The following FMN1 variants were observed in gnomAD, a reference collection of about 807,000 sequenced individuals.
FMN1 encodes formin-1.
Under a neutral mutation model 132.4 loss-of-function variants are expected in FMN1, and 110 were observed. The ratio of observed to expected loss-of-function variants is 0.83; its 90% CI spans 0.71 to 0.97. The LOEUF (loss-of-function observed/expected upper bound fraction) is 0.97, where lower values mean the gene tolerates loss of function less well. Among genes scored for constraint, FMN1 ranks in the 50% least tolerant of loss-of-function variants. FMN1 has a pLI of 0.00. For missense variants in FMN1, 1,792 were observed against 1,705.3 expected (o/e 1.05, Z -0.90); for synonymous variants, 722 against 651.7 (o/e 1.11, Z -1.64).
Position 32,999,899 on chromosome 15 carries a change from C to A in FMN1, c.2223+8115G>T, listed in dbSNP as rs574446794. Among the ~76,000 whole-genome samples, 5 of 152,272 alleles carry A rather than the reference C, an allele frequency of 3.3e-5. No individual in the cohort carries two copies. The East Asian group carries it at 9.6e-4, about 29-fold the overall frequency. On this transcript the variant is annotated intron_variant, in intron 7 of 20. Transcript: ENST00000616417. ...CTTTCAAAATTGAAGAAGTAGAGAT[C>A]CAAAGAAGTCCTACTAATCCCATGC...
intron 19 of FMN1, among the ~76,000 whole-genome samples, chr15:32,788,796 C>T (rs1595912549): frequency 6.6e-6 from 1 of 152,298 alleles, no homozygotes; most frequent in African/African-American, 2.4e-5. Flanking sequence ...CTTGGCATAG[C>T]CATGAATCCA....
At chr15:33,178,966 A>G (rs1246815959) in intron 3 of FMN1, among the ~76,000 whole-genome samples, 1 of 152,218 alleles carries the variant, frequency 6.6e-6, no homozygotes, top group Non-Finnish European at 1.5e-5. Flanking sequence ...GTGGATTAAA[A>G]TGTAATTATC....
chr15:33,184,016 A>G lies in FMN1; in HGVS notation c.-196-3754T>C, dbSNP rs922217365. Among the ~76,000 whole-genome samples, 3 of 152,220 alleles carry G rather than the reference A, an allele frequency of 2.0e-5. No individual in the cohort carries two copies. In the East Asian group the frequency reaches 5.8e-4, roughly 29 times the overall value. On this transcript the variant is annotated intron_variant, in intron 2 of 20. Transcript: ENST00000616417. ...GTATCTCAAGGATATATCTTGAAATAAGGTAAACTTATTGGTTTCACCATT... is the reference window on the plus strand; with the variant it reads ...GTATCTCAAGGATATATCTTGAAATGAGGTAAACTTATTGGTTTCACCATT...
At chr15:32,824,119 C>G (rs1479930453) in intron 17 of FMN1, among the ~76,000 whole-genome samples, 1 of 152,218 alleles carries the variant, frequency 6.6e-6, no homozygotes, top group African/African-American at 2.4e-5. Context: ...TGTAATGTAC[C>G]CCCCGTGAGA....
intron 3 of FMN1, among the ~76,000 whole-genome samples, chr15:33,164,507 C>G (rs971755870): frequency 3.3e-5 from 5 of 152,128 alleles, no homozygotes; most frequent in African/African-American, 1.2e-4. Context: ...ATTTTTTGAC[C>G]TACAAACCAA....
At position 32,968,638 on chromosome 15, in the gene FMN1, C is replaced by T. The variant is rs565294192; in HGVS notation, c.2987+76G>A. 2.0e-5 allele frequency: 31 copies of T among 1,587,158 alleles called. No individual in the cohort carries two copies. The South Asian group carries it at 2.0e-4, about 10-fold the overall frequency. On this transcript the variant is annotated intron_variant, in intron 8 of 20. Transcript: ENST00000616417. ...GGGTGCTACACTATGGAGATATTGA[C>T]CCGGTAAGAATAAAATATCACTTGG... is the stretch of plus-strand genomic sequence containing the variant.
intron 10 of FMN1, among the ~76,000 whole-genome samples, chr15:32,917,801 G>A (rs553850931): frequency 6.6e-6 from 1 of 152,170 alleles, no homozygotes; most frequent in South Asian, 2.1e-4. Context: ...AACCAATTAA[G>A]AACAAACTAC....
At chr15:33,018,506 G>A (rs541626870) in intron 6 of FMN1, among the ~76,000 whole-genome samples, 2 of 152,138 alleles carry the variant, frequency 1.3e-5, no homozygotes, top group South Asian at 2.1e-4. Context: ...AGAGGACTGG[G>A]TTCAGAAACC....
intron 6 of FMN1, among the ~76,000 whole-genome samples, chr15:33,008,408 G>A (rs1258149209): frequency 6.6e-6 from 1 of 151,908 alleles, no homozygotes; most frequent in African/African-American, 2.4e-5. Context: ...CCCCACAGAG[G>A]ACAAATACAG....
At chr15:32,806,161 T>TA (rs2141015956) in intron 17 of FMN1, among the ~76,000 whole-genome samples, 1 of 152,326 alleles carries the variant, frequency 6.6e-6, no homozygotes, top group East Asian at 1.9e-4. Context: ...TCCTTTAATT[T>TA]AGGGCTACAA....
chr15:32,936,115 A>G (rs901896266), intron 9 of FMN1, among the ~76,000 whole-genome samples: 1 of 152,048 alleles, frequency 6.6e-6, no homozygotes, highest in Admixed American at 6.5e-5. Context: ...TTCTTTGTTG[A>G]TACTGTCATT....
At chr15:33,096,787 G>A (rs1225113925) in intron 4 of FMN1, among the ~76,000 whole-genome samples, 3 of 151,904 alleles carry the variant, frequency 2.0e-5, no homozygotes, top group South Asian at 2.1e-4. Context: ...TGTATCTTTG[G>A]ATTTTGGTTT....
chr15:33,039,451 G>A (rs2036328927), intron 6 of FMN1, among the ~76,000 whole-genome samples: 1 of 152,176 alleles, frequency 6.6e-6, no homozygotes. Context: ...ATAGGTTATT[G>A]AGGAAACTTA....
chr15:33,031,966 T>C (rs927241426), intron 6 of FMN1, among the ~76,000 whole-genome samples: 1 of 117,414 alleles, frequency 8.5e-6, no homozygotes, highest in African/African-American at 3.3e-5. Context: ...AAACCCGATG[T>C]TGTCTAAAAA....
chr15:33,015,650 C>T (rs895208624), intron 6 of FMN1, among the ~76,000 whole-genome samples: 3 of 152,118 alleles, frequency 2.0e-5, no homozygotes, highest in African/African-American at 7.2e-5. Flanking sequence ...CTGTGCCTCT[C>T]ACTGGCCTTT....
At chr15:32,792,270 T>C (rs1249782751) in intron 19 of FMN1, among the ~76,000 whole-genome samples, 7 of 116,246 alleles carry the variant, frequency 6.0e-5, no homozygotes, top group African/African-American at 2.1e-4. Context: ...AAACCCAGTC[T>C]CTACCAAAAA....
At chr15:33,000,959 C>G (rs906107096) in intron 7 of FMN1, among the ~76,000 whole-genome samples, 10 of 152,162 alleles carry the variant, frequency 6.6e-5, no homozygotes, top group Non-Finnish European at 1.5e-5. Context: ...ACAAGTACAG[C>G]AGGAAGATCA....
Position 33,064,824 on chromosome 15 carries a change from C to T in FMN1, c.2161+133G>A, listed in dbSNP as rs184916892. The T allele has an allele frequency of 7.6e-4, 455 of 596,472 alleles. 3 individuals are homozygous for T. In the African/African-American group the frequency reaches 7.7e-3, roughly 10 times the overall value. 36.9% of individuals were successfully genotyped at this position (596,472 alleles called of 1,614,324 possible). ...GCAAAGGTTCACTTTAACAGCAAAA[C>T]CAAAAAGAAACCCTTCAGCATTACA... is the stretch of plus-strand genomic sequence containing the variant. On this transcript the variant is annotated intron_variant, in intron 6 of 20. Transcript: ENST00000616417.
chr15:33,137,503 C>G lies in FMN1; in HGVS notation c.1867+15545G>C, dbSNP rs185623916. On this transcript the variant is annotated intron_variant, in intron 4 of 20. Coordinates refer to ENST00000616417, the MANE Select transcript of FMN1 (RefSeq NM_001277313.2). ...TCCCAAAGAGTAAGACATGACTGAT[C>G]AGTAGAGCCCCAGATTAATGAGCTC... Among the ~76,000 whole-genome samples the G allele has an allele frequency of 2.9e-4, 44 of 152,260 alleles. No homozygotes were observed. In the East Asian group the frequency reaches 8.5e-3, roughly 29 times the overall value.
Sources: gnomAD v4.1 joint callset for allele counts (sites outside exome capture counted in the v4.1 genomes callset) on GRCh38, gnomAD v4.1.1 for gene constraint, MANE v1.5 for transcripts, NCBI Gene and HGNC (gene_info 2026-07-23, HGNC 2026-07-21) for gene names.